The following JPH3 variants were observed in gnomAD, a reference collection of about 807,000 sequenced individuals.
JPH3 encodes the protein junctophilin 3.
Under a neutral mutation model 59.6 loss-of-function variants are expected in JPH3, and 11 were observed. The observed-to-expected ratio is 0.18, with a 90% confidence interval of 0.12 to 0.31. The LOEUF (loss-of-function observed/expected upper bound fraction) is 0.31, where lower values mean the gene tolerates loss of function less well. JPH3 is among the 10% of genes least tolerant of loss of function. The probability of loss-of-function intolerance (pLI) is 1.00; values close to 1 mark genes in which losing one functional copy is unlikely to be tolerated. For missense variants in JPH3, 1,202 were observed against 1,105.7 expected (o/e 1.09, Z -1.24); for synonymous variants, 673 against 483.6 (o/e 1.39, Z -5.14).
chr16:87,666,270 G>A (rs2032857892), intron 2 of JPH3, among the ~76,000 whole-genome samples: 1 of 151,912 alleles, frequency 6.6e-6, no homozygotes, highest in African/African-American at 2.4e-5. Flanking sequence ...TATATTTTTA[G>A]TAGAGACAGG....
At position 87,645,016 on chromosome 16, in the gene JPH3, G is replaced by A. The variant is rs1326878696; in HGVS notation, c.1141G>A (p.Ala381Thr). The A allele has an allele frequency of 6.2e-7, 1 of 1,603,920 alleles. No homozygotes were observed. The highest frequency in any genetic ancestry group is 1.1e-5 in the South Asian group (1 of 90,954). ...ERAATIAKQK[A>T]EIAASRTSHS... ...GGCCGCCACCATCGCCAAGCAGAAG[G>A]CTGAGATCGCGGCTTCCAGGTAGGA... Residue 381 changes from alanine (A) to threonine (T), a missense_variant, in exon 2 of 5, where the codon GCT becomes ACT. Transcript: ENST00000284262.
At chr16:87,613,899 C>T (rs1048106396) in intron 1 of JPH3, among the ~76,000 whole-genome samples, 2 of 152,162 alleles carry the variant, frequency 1.3e-5, no homozygotes, top group African/African-American at 2.4e-5. Context: ...GTGAGGCTCA[C>T]AGGGTCACAC....
intron 2 of JPH3, chr16:87,654,070 T>G (rs2032413149): frequency 6.6e-6 from 1 of 152,286 alleles, no homozygotes; most frequent in Non-Finnish European, 1.5e-5. Context: ...CTCATGGAGT[T>G]CTGGCCTTGT....
intron 1 of JPH3, chr16:87,604,119 C>T (rs2030386928): frequency 7.5e-7 from 1 of 1,333,770 alleles, no homozygotes; most frequent in Non-Finnish European, 9.7e-7. Context: ...GCTGTCGAAG[C>T]AGGCTGCTGG....
At chr16:87,623,227 G>A (rs1293239849) in intron 1 of JPH3, among the ~76,000 whole-genome samples, 1 of 152,190 alleles carries the variant, frequency 6.6e-6, no homozygotes, top group East Asian at 1.9e-4. Flanking sequence ...TCCTTGCTTT[G>A]AGCATCCCTC....
intron 1 of JPH3, among the ~76,000 whole-genome samples, chr16:87,639,656 C>T (rs1028242215): frequency 8.5e-5 from 7 of 82,548 alleles, no homozygotes; most frequent in African/African-American, 2.4e-4. Context: ...GTCCTCCCGC[C>T]TGTCCTCCCT....
At chr16:87,679,767 C>T (rs1359486539) in intron 2 of JPH3, among the ~76,000 whole-genome samples, 2 of 152,232 alleles carry the variant, frequency 1.3e-5, no homozygotes, top group East Asian at 1.9e-4. Context: ...GAGGCCCGGC[C>T]GTGTCCTCTC....
chr16:87,609,460 T>A (rs2030652346), intron 1 of JPH3, among the ~76,000 whole-genome samples: 1 of 152,082 alleles, frequency 6.6e-6, no homozygotes, highest in African/African-American at 2.4e-5. Context: ...AGAGACAGTG[T>A]TTTGCCATGT....
chr16:87,640,916 C>T (rs2031928089), intron 1 of JPH3, among the ~76,000 whole-genome samples: 1 of 152,236 alleles, frequency 6.6e-6, no homozygotes, highest in Admixed American at 6.5e-5. Flanking sequence ...GGGAAGGCCA[C>T]TGTGTGGGCG....
chr16:87,655,594 TCTC>T (rs970927476), intron 2 of JPH3, among the ~76,000 whole-genome samples: 3 of 152,076 alleles, frequency 2.0e-5, no homozygotes, highest in South Asian at 2.1e-4. Context: ...CCTCAAAAAT[TCTC>T]CTGCCTCAGC....
chr16:87,680,978 G>A (rs1444441912), intron 2 of JPH3, among the ~76,000 whole-genome samples: 2 of 152,214 alleles, frequency 1.3e-5, no homozygotes. Context: ...GCTGTGTGTG[G>A]TGGGGGGCAT....
intron 2 of JPH3, among the ~76,000 whole-genome samples, chr16:87,669,985 A>G (rs1434013040): frequency 1.3e-5 from 2 of 152,060 alleles, no homozygotes; most frequent in Non-Finnish European, 2.9e-5. Flanking sequence ...GGGCGGGGGT[A>G]ATCCGAGGCT....
At chr16:87,660,974 G>T (rs1430879337) in intron 2 of JPH3, among the ~76,000 whole-genome samples, 1 of 152,224 alleles carries the variant, frequency 6.6e-6, no homozygotes, top group African/African-American at 2.4e-5. Context: ...GATCAGAAGT[G>T]TTTCGGATCT....
At chr16:87,633,371 TGCCGGG>T (rs1475312644) in intron 1 of JPH3, among the ~76,000 whole-genome samples, 9 of 121,512 alleles carry the variant, frequency 7.4e-5, no homozygotes, top group Non-Finnish European at 1.3e-4. Flanking sequence ...TGGTAGAGGA[TGCCGGG>T]GGTGGGGGTG....
rs148217828 is a variant in JPH3 at position 87,671,718 on chromosome 16, C to T, written c.1161-12424C>T. Among the ~76,000 whole-genome samples the T allele has an allele frequency of 3.4e-3, 520 of 152,310 alleles. 3 individuals are homozygous for T. Among genetic ancestry groups the T allele is most frequent in the African/African-American group, 0.011 (448 of 41,570 alleles). On this transcript the variant is annotated intron_variant, in intron 2 of 4. Coordinates refer to ENST00000284262, the MANE Select transcript of JPH3 (RefSeq NM_020655.4). Reference sequence around the variant, plus strand: ...CCCCCACCCCTTGGTGTTGCCGCATCCTCCCTGGGCCCAAGATTCCTGGAG... The same window carrying T: ...CCCCCACCCCTTGGTGTTGCCGCATTCTCCCTGGGCCCAAGATTCCTGGAG...
chr16:87,655,075 G>C (rs1035901845), intron 2 of JPH3: 4 of 152,192 alleles, frequency 2.6e-5, no homozygotes, highest in African/African-American at 9.7e-5. Flanking sequence ...CCTGGGAGTC[G>C]AGTGTCTCGA....
At chr16:87,641,519 G>A (rs2031951258) in intron 1 of JPH3, among the ~76,000 whole-genome samples, 1 of 152,300 alleles carries the variant, frequency 6.6e-6, no homozygotes, top group African/African-American at 2.4e-5. Flanking sequence ...CTCTCGCTGA[G>A]ACCACCTCAT....
At chr16:87,665,297 G>C (rs1156842913) in intron 2 of JPH3, among the ~76,000 whole-genome samples, 3 of 152,206 alleles carry the variant, frequency 2.0e-5, no homozygotes, top group Non-Finnish European at 4.4e-5. Flanking sequence ...CCCTGCGTGG[G>C]CTGGCTTCCC....
intron 4 of JPH3, chr16:87,695,530 G>A: frequency 2.2e-6 from 1 of 454,846 alleles, no homozygotes. Context: ...TGCAGGGCGT[G>A]GTGGGGGTGG....
Sources: gnomAD v4.1 joint callset for allele counts (sites outside exome capture counted in the v4.1 genomes callset) on GRCh38, gnomAD v4.1.1 for gene constraint, MANE v1.5 for transcripts, NCBI Gene and HGNC (gene_info 2026-07-23, HGNC 2026-07-21) for gene names.